RFX3: variants seen among roughly 807,000 people sequenced by gnomAD.
The protein encoded by RFX3 is transcription factor RFX3.
In RFX3, 14 loss-of-function variants were observed where a neutral mutation model predicts 98.6. That is an observed-to-expected ratio of 0.14 (90% confidence interval 0.09 to 0.22). The LOEUF (loss-of-function observed/expected upper bound fraction) is 0.22, where lower values mean the gene tolerates loss of function less well. Ranked by LOEUF, RFX3 falls within the 10% of genes least tolerant of loss-of-function variation. The probability of loss-of-function intolerance (pLI) is 1.00; values close to 1 mark genes in which losing one functional copy is unlikely to be tolerated. For missense variants in RFX3, 639 were observed against 926.9 expected, an observed-to-expected ratio of 0.69 and a Z score of 4.03; for synonymous variants, 383 against 328.4, an observed-to-expected ratio of 1.17 and a Z score of -1.80.
At position 3,361,661 on chromosome 9, in the gene RFX3, GAAAAAA is replaced by G. The variant is rs71324242; in HGVS notation, c.118-14903_118-14898del. On this transcript the variant is annotated intron_variant, in intron 2 of 16. Coordinates refer to ENST00000617270, the MANE Select transcript of RFX3 (RefSeq NM_001282116.2). ...ACATAGTGAGACCTTGTTTCTTTAG[GAAAAAA>G]AAAAAAAAAAAAAAAGTAAAATAAA... Among the ~76,000 whole-genome samples the G allele has an allele frequency of 2.4e-3, 213 of 87,798 alleles. 2 individuals carry two copies. Among genetic ancestry groups the G allele is most frequent in the African/African-American group, 6.9e-3 (187 of 26,914 alleles). The allele number at this position is 87,798 out of a possible 152,430, so 57.6% of individuals were successfully genotyped here. A position where few individuals can be genotyped will look rare whatever the true frequency, so the allele number is the denominator to read the frequency against.
chr9:3,257,011 C>T lies in RFX3; in HGVS notation c.1794G>A (p.Leu598=), dbSNP rs1186207998. The T allele has an allele frequency of 1.9e-6, 3 of 1,614,072 alleles. No homozygotes were observed. The highest frequency in any genetic ancestry group is 2.5e-6 in the Non-Finnish European group (3 of 1,179,984). The change falls in exon 14 of 17, where the codon CTG becomes CTA. Residue 598 remains leucine, a synonymous_variant. Coordinates refer to ENST00000617270, the MANE Select transcript of RFX3 (RefSeq NM_001282116.2). ...PSFPKAARQF[L]LKWSFYSSMV... ...GATACCTGTAGAAAGACCATTTTAG[C>T]AGAAACTGCCTGGCGGCTTTAGGAA...
At chr9:3,379,705 T>C (rs550091959) in intron 2 of RFX3, among the ~76,000 whole-genome samples, 60 of 152,264 alleles carry the variant, frequency 3.9e-4, no homozygotes, top group Middle Eastern at 3.4e-3. Flanking sequence ...AATACATCCA[T>C]ATACCACACT....
At chr9:3,362,036 T>C (rs935093547) in intron 2 of RFX3, among the ~76,000 whole-genome samples, 1 of 152,176 alleles carries the variant, frequency 6.6e-6, no homozygotes, top group Non-Finnish European at 1.5e-5. Context: ...GAATGTTTGG[T>C]ATAATTTGTA....
chr9:3,499,280 A>T (rs1815716737), intron 1 of RFX3, among the ~76,000 whole-genome samples: 1 of 152,108 alleles, frequency 6.6e-6, no homozygotes, highest in East Asian at 1.9e-4. Flanking sequence ...TCAATAATAG[A>T]AAAATAAGTT....
At chr9:3,277,939 C>T (rs906740610) in intron 7 of RFX3, among the ~76,000 whole-genome samples, 3 of 152,032 alleles carry the variant, frequency 2.0e-5, no homozygotes, top group African/African-American at 7.2e-5. Flanking sequence ...TTTTTCATAT[C>T]TCCTAGAACC....
chr9:3,424,392 C>A (rs576825387), intron 1 of RFX3, among the ~76,000 whole-genome samples: 4 of 109,544 alleles, frequency 3.7e-5, no homozygotes, highest in Admixed American at 1.3e-4. Flanking sequence ...GACGGAGTCT[C>A]GCTCTGTCGC....
intron 2 of RFX3, among the ~76,000 whole-genome samples, chr9:3,351,476 A>G (rs1351651045): frequency 7.3e-5 from 11 of 151,678 alleles, no homozygotes; most frequent in Non-Finnish European, 1.6e-4. Context: ...TTGAACTAAC[A>G]ACAACAACAA....
intron 2 of RFX3, among the ~76,000 whole-genome samples, chr9:3,388,356 C>A (rs1219338729): frequency 6.6e-6 from 1 of 152,086 alleles, no homozygotes; most frequent in Non-Finnish European, 1.5e-5. Context: ...TCTCCTGCAA[C>A]CTAATTTACA....
At chr9:3,475,425 G>C (rs1564150348) in intron 1 of RFX3, among the ~76,000 whole-genome samples, 2 of 151,912 alleles carry the variant, frequency 1.3e-5, no homozygotes, top group African/African-American at 4.8e-5. Context: ...AGGGTAAGGA[G>C]TGTGAGTCAT....
chr9:3,447,144 G>A (rs749713981), intron 1 of RFX3, among the ~76,000 whole-genome samples: 1 of 152,000 alleles, frequency 6.6e-6, no homozygotes, highest in African/African-American at 2.4e-5. Flanking sequence ...CTTCTAACAT[G>A]CTGCCTCATT....
intron 5 of RFX3, among the ~76,000 whole-genome samples, chr9:3,298,172 G>A (rs953991692): frequency 6.6e-6 from 1 of 151,640 alleles, no homozygotes; most frequent in African/African-American, 2.4e-5. Flanking sequence ...AATACCAGGA[G>A]AAAAACAAAG....
At chr9:3,237,909 G>T (rs892132280) in intron 15 of RFX3, among the ~76,000 whole-genome samples, 1 of 151,580 alleles carries the variant, frequency 6.6e-6, no homozygotes, top group African/African-American at 2.4e-5. Flanking sequence ...TGAGGTCAAG[G>T]CTGCAGTGAG....
intron 1 of RFX3, among the ~76,000 whole-genome samples, chr9:3,411,550 C>T (rs1003266673): frequency 1.3e-5 from 2 of 151,624 alleles, no homozygotes; most frequent in African/African-American, 2.4e-5. Flanking sequence ...GGTTTCAGCC[C>T]GGGAAGCCTC....
intron 2 of RFX3, 65 bp downstream of exon 2, chr9:3,395,407 A>T (rs1840753347): frequency 1.7e-5 from 26 of 1,562,118 alleles, no homozygotes; most frequent in Non-Finnish European, 2.3e-5. Flanking sequence ...TTTTGGATAC[A>T]GGTATGTTGG....
intron 1 of RFX3, among the ~76,000 whole-genome samples, chr9:3,462,444 T>G (rs1450859453): frequency 2.6e-5 from 4 of 152,068 alleles, no homozygotes; most frequent in African/African-American, 9.6e-5. Context: ...AACATTATAC[T>G]TAATAGGGAA....
At chr9:3,374,850 AT>A (rs1271524975) in intron 2 of RFX3, among the ~76,000 whole-genome samples, 7 of 82,718 alleles carry the variant, frequency 8.5e-5, no homozygotes, top group African/African-American at 3.4e-4. Context: ...TTTTACCATA[AT>A]TTTTAAAAAT....
At chr9:3,474,487 G>C (rs563579908) in intron 1 of RFX3, among the ~76,000 whole-genome samples, 1 of 152,210 alleles carries the variant, frequency 6.6e-6, no homozygotes, top group African/African-American at 2.4e-5. Flanking sequence ...TGTCTCATTG[G>C]TTATAAGACT....
chr9:3,240,102 G>A (rs1370465804), intron 15 of RFX3, among the ~76,000 whole-genome samples: 1 of 152,182 alleles, frequency 6.6e-6, no homozygotes, highest in East Asian at 1.9e-4. Flanking sequence ...CTGGCGACAC[G>A]GGCTGGCTAT....
chr9:3,330,624 C>T, intron 3 of RFX3, 107 bp from the exon 4 acceptor site: 1 of 1,039,084 alleles, frequency 9.6e-7, no homozygotes, highest in Non-Finnish European at 1.4e-6. Flanking sequence ...TTAGCCTTTG[C>T]AACATGGCAA....
Sources: allele counts gnomAD v4.1 joint callset (sites outside exome capture counted in the v4.1 genomes callset), GRCh38; gene constraint gnomAD v4.1.1; transcripts MANE v1.5; gene names NCBI Gene and HGNC (gene_info 2026-07-23, HGNC 2026-07-21).